The following CEP290 variants were observed in gnomAD, a reference collection of about 807,000 sequenced individuals.
The protein encoded by CEP290 is centrosomal protein of 290 kDa.
Under a neutral mutation model 344.9 loss-of-function variants are expected in CEP290, and 317 were observed. The ratio of observed to expected loss-of-function variants is 0.92; its 90% CI spans 0.84 to 1.01. CEP290 has a LOEUF of 1.01. CEP290 is among the 50% of genes least tolerant of loss of function. The probability of loss-of-function intolerance (pLI) is 0.00; values close to 1 mark genes in which losing one functional copy is unlikely to be tolerated. For synonymous variants in CEP290, 932 were observed against 895.8 expected (o/e 1.04, Z -0.72); for missense variants, 2,754 against 2,761.4 (o/e 1.00, Z 0.06).
chr12:88,120,420 T>G (rs1329855026), intron 14 of CEP290, 144 bp from the exon 15 acceptor site: 1 of 425,834 alleles, frequency 2.3e-6, no homozygotes, highest in Admixed American at 4.4e-5. Context: ...TTTATTGTGC[T>G]TTTATAAACC....
rs775122104 is a variant in CEP290, at chr12:88,097,594, T to TACAC, written c.2992-599_2992-596dup. On this transcript the variant is annotated intron_variant, in intron 26 of 53. Transcript: ENST00000552810. ...TAATACACATACATACATATATATA[T>TACAC]ACACACACACACACATACACACACA... Among the ~76,000 whole-genome samples, 13 of 118,788 alleles carry TACAC rather than the reference T, an allele frequency of 1.1e-4. No homozygotes were observed. In the South Asian group the frequency reaches 1.5e-3, roughly 14 times the overall value. The allele number at this position is 118,788 out of a possible 152,430, so 77.9% of individuals were successfully genotyped here. A position where few individuals can be genotyped will look rare whatever the true frequency, so the allele number is the denominator to read the frequency against.
chr12:88,130,886 T>C (rs570601729), intron 7 of CEP290, among the ~76,000 whole-genome samples: 2 of 151,906 alleles, frequency 1.3e-5, no homozygotes, highest in Non-Finnish European at 2.9e-5. Flanking sequence ...AGAATAGAAA[T>C]CCAGTCATCT....
intron 27 of CEP290, among the ~76,000 whole-genome samples, chr12:88,094,358 C>G (rs1448907792): frequency 1.3e-5 from 2 of 152,050 alleles, no homozygotes; most frequent in Admixed American, 1.3e-4. Context: ...AGCAATGTGA[C>G]TTTGTGAATA....
At chr12:88,055,474 T>A in intron 50 of CEP290, 102 bp downstream of exon 50, 1 of 1,016,176 alleles carries the variant, frequency 9.8e-7, no homozygotes, top group Non-Finnish European at 1.3e-6. Context: ...GTTAGATGGG[T>A]CTTCTTAATA....
rs571295224 is a variant in CEP290, at chr12:88,063,133, A to C, written c.6271-355T>G. Among the ~76,000 whole-genome samples, 652 of 129,068 alleles carry C rather than the reference A, an allele frequency of 5.1e-3. 3 individuals are homozygous for C. Among genetic ancestry groups the C allele is most frequent in the African/African-American group, 0.016 (623 of 39,030 alleles). 84.7% of individuals were successfully genotyped at this position (129,068 alleles called of 152,430 possible). A position where few individuals can be genotyped will look rare whatever the true frequency, so the allele number is the denominator to read the frequency against. On this transcript the variant is annotated intron_variant, in intron 45 of 53. Coordinates refer to ENST00000552810, the MANE Select transcript of CEP290 (RefSeq NM_025114.4). The stretch of plus-strand genomic sequence containing the variant: ...CTATCAATGTAAAAACCAGAATAAG[A>C]AGCAGTACCAAAAAAAAAAAAAAGG...
intron 44 of CEP290, among the ~76,000 whole-genome samples, chr12:88,067,622 T>C (rs1167627494): frequency 6.6e-6 from 1 of 152,200 alleles, no homozygotes; most frequent in Non-Finnish European, 1.5e-5. Flanking sequence ...CTCTTGCCTA[T>C]CTTATTCTCT....
intron 14 of CEP290, 31 bp downstream of exon 14, chr12:88,120,966 G>A: frequency 6.3e-7 from 1 of 1,580,686 alleles, no homozygotes; most frequent in Non-Finnish European, 8.6e-7. Context: ...ATAATTCTAA[G>A]CTCCTTGAAT....
At chr12:88,050,196 T>C in intron 53 of CEP290, 158 bp downstream of exon 53, 1 of 533,556 alleles carries the variant, frequency 1.9e-6, no homozygotes. Context: ...TCTAATATGT[T>C]AGGAATAGTC....
At chr12:88,132,615 GAC>G (rs1205968739) in intron 6 of CEP290, among the ~76,000 whole-genome samples, 2 of 152,144 alleles carry the variant, frequency 1.3e-5, no homozygotes, top group African/African-American at 4.8e-5. Flanking sequence ...ACAAACAAGA[GAC>G]AGAGAAATAC....
intron 14 of CEP290, 130 bp downstream of exon 14, chr12:88,120,867 A>G (rs911167731): frequency 5.4e-6 from 4 of 739,482 alleles, no homozygotes; most frequent in Non-Finnish European, 8.3e-6. Context: ...GTATAAATTA[A>G]TGAGGATAAT....
At chr12:88,072,060 G>T in intron 41 of CEP290, 134 bp from the exon 42 acceptor site, 1 of 849,646 alleles carries the variant, frequency 1.2e-6, no homozygotes, top group Non-Finnish European at 1.7e-6. Flanking sequence ...TGTTCATTTT[G>T]CTATACAGGT....
intron 40 of CEP290, 131 bp downstream of exon 40, chr12:88,077,566 A>G: frequency 1.4e-6 from 1 of 700,788 alleles, no homozygotes. Context: ...TCACAAAAGA[A>G]ATTAATTACA....
At chr12:88,130,591 A>C (rs1489697803) in intron 7 of CEP290, 26 bp from the exon 8 acceptor site, 2 of 1,547,578 alleles carry the variant, frequency 1.3e-6, no homozygotes, top group Non-Finnish European at 8.7e-7. Context: ...GGAAAACGGT[A>C]ATTAGAAATG....
Position 88,059,629 on chromosome 12 carries a change from G to C in CEP290, c.6645+269C>G, listed in dbSNP as rs535215640. The stretch of plus-strand genomic sequence containing the variant: ...TCACCGTGTTAGCCAGGATGGTCTC[G>C]ATCTCCTGACCTCGTGATCCACCCG... On this transcript the variant is annotated intron_variant, in intron 48 of 53. Transcript: ENST00000552810. Among the ~76,000 whole-genome samples, 51 of 152,208 alleles carry C rather than the reference G, an allele frequency of 3.4e-4. No homozygotes were observed. In the South Asian group the frequency reaches 0.01, roughly 30 times the overall value.
intron 40 of CEP290, 99 bp from the exon 41 acceptor site, chr12:88,077,443 C>T: frequency 2.4e-6 from 2 of 824,060 alleles, no homozygotes; most frequent in Non-Finnish European, 3.6e-6. Context: ...CTGAAGCTAT[C>T]ACTGACCATA....
chr12:88,118,814 C>A, intron 15 of CEP290, 71 bp from the exon 16 acceptor site: 1 of 1,007,156 alleles, frequency 9.9e-7, no homozygotes, highest in Non-Finnish European at 1.5e-6. Context: ...CATATACCAT[C>A]AAGCAACTGG....
Position 88,086,371 on chromosome 12 carries a change from A to G in CEP290, c.4302+20T>C. The G allele has an allele frequency of 2.6e-6, 4 of 1,556,046 alleles. No homozygotes were observed. Among genetic ancestry groups the G allele is most frequent in the Non-Finnish European group, 3.5e-6 (4 of 1,145,888 alleles). ...TCTAGACTATGCTACAGAGTAACAAACAAGATTAATCATTCATACCTTTTG... is the reference window on the plus strand; with the variant it reads ...TCTAGACTATGCTACAGAGTAACAAGCAAGATTAATCATTCATACCTTTTG... On this transcript the variant is annotated intron_variant, in intron 33 of 53. Transcript: ENST00000552810.
At chr12:88,079,270 A>C in intron 38 of CEP290, 41 bp from the exon 39 acceptor site, 1 of 1,502,084 alleles carries the variant, frequency 6.7e-7, no homozygotes, top group East Asian at 2.5e-5. Flanking sequence ...TTTAAAGGAA[A>C]ACTGACATTT....
chr12:88,049,252 T>C lies in CEP290; in HGVS notation c.7372A>G (p.Ser2458Gly), dbSNP rs762238709. The C allele has an allele frequency of 1.9e-6, 3 of 1,609,668 alleles. No homozygotes were observed. The highest frequency in any genetic ancestry group is 2.5e-6 in the Non-Finnish European group (3 of 1,178,708). The stretch of plus-strand genomic sequence containing the variant: ...AACTCTTCAGAAGCAGCAACAGGGC[T>C]AGTTAATTCAACTCCCAATTGTTCT... Reference protein sequence around the residue: ...LSEQLGVELTSPVAASEEFED... With the variant: ...LSEQLGVELTGPVAASEEFED... The change falls in exon 54 of 54, where the codon AGC becomes GGC. Residue 2458 changes from serine to glycine, a missense_variant. Ser to Gly is a moderately conservative substitution (Grantham distance 56, BLOSUM62 0). Coordinates refer to ENST00000552810, the MANE Select transcript of CEP290 (RefSeq NM_025114.4).
Sources: gnomAD v4.1 joint callset for allele counts (sites outside exome capture counted in the v4.1 genomes callset) on GRCh38, gnomAD v4.1.1 for gene constraint, MANE v1.5 for transcripts, NCBI Gene and HGNC (gene_info 2026-07-23, HGNC 2026-07-21) for gene names.